The following CEP170 variants were observed in gnomAD, a reference collection of about 807,000 sequenced individuals.
The protein encoded by CEP170 is centrosomal protein of 170 kDa.
Under a neutral mutation model 151.9 loss-of-function variants are expected in CEP170, and 21 were observed. The ratio of observed to expected loss-of-function variants is 0.14; its 90% CI spans 0.10 to 0.20. CEP170 has a LOEUF of 0.20. CEP170 is among the 10% of genes least tolerant of loss of function. The probability of loss-of-function intolerance (pLI) is 1.00; values close to 1 mark genes in which losing one functional copy is unlikely to be tolerated. For synonymous variants in CEP170, 356 were observed against 648.8 expected (o/e 0.55, Z 6.86); for missense variants, 964 against 1,892.9 (o/e 0.51, Z 9.11).
intron 7 of CEP170, among the ~76,000 whole-genome samples, chr1:243,196,736 T>C (rs2060675612): frequency 1.3e-5 from 2 of 152,158 alleles, no homozygotes; most frequent in South Asian, 4.1e-4. Flanking sequence ...GGCACAGTGA[T>C]AGTATATTAT....
chr1:243,132,111 G>GT (rs770501706), intron 17 of CEP170, among the ~76,000 whole-genome samples: 2 of 152,164 alleles, frequency 1.3e-5, no homozygotes, highest in African/African-American at 4.8e-5. Context: ...TTCATACAAT[G>GT]TAAGTACGCA....
intron 1 of CEP170, among the ~76,000 whole-genome samples, chr1:243,232,860 C>G (rs1356574781): frequency 6.6e-6 from 1 of 152,156 alleles, no homozygotes; most frequent in African/African-American, 2.4e-5. Context: ...AGCTGAAATA[C>G]AGAGACACTT....
chr1:243,226,176 T>G (rs1293889358), intron 1 of CEP170, among the ~76,000 whole-genome samples: 3 of 38,020 alleles, frequency 7.9e-5, no homozygotes, highest in Non-Finnish European at 1.6e-4. Flanking sequence ...TAGATATATA[T>G]ATATCTAGAT....
At chr1:243,174,146 C>T (rs2059065247) in intron 10 of CEP170, among the ~76,000 whole-genome samples, 1 of 152,066 alleles carries the variant, frequency 6.6e-6, no homozygotes, top group East Asian at 1.9e-4. Context: ...CAAACAATGG[C>T]GTGCTTTTCT....
At chr1:243,222,644 A>C (rs1276045026) in intron 2 of CEP170, among the ~76,000 whole-genome samples, 1 of 152,242 alleles carries the variant, frequency 6.6e-6, no homozygotes, top group East Asian at 1.9e-4. Flanking sequence ...GAGAGTATCA[A>C]AAATGGGGAA....
At chr1:243,189,702 G>C (rs1356898405) in intron 8 of CEP170, among the ~76,000 whole-genome samples, 2 of 151,730 alleles carry the variant, frequency 1.3e-5, no homozygotes, top group Non-Finnish European at 2.9e-5. Flanking sequence ...TGTTTATTAA[G>C]AGTGGTTTTA....
chr1:243,225,040 A>T, intron 2 of CEP170, 136 bp downstream of exon 2: 1 of 461,078 alleles, frequency 2.2e-6, no homozygotes, highest in South Asian at 6.7e-5. Context: ...GCAAAAAATT[A>T]ATTAGAATGA....
At chr1:243,202,288 G>A (rs1362933508) in intron 4 of CEP170, among the ~76,000 whole-genome samples, 1 of 152,060 alleles carries the variant, frequency 6.6e-6, no homozygotes, top group South Asian at 2.1e-4. Flanking sequence ...AATGAACACT[G>A]GATAATCAGA....
chr1:243,221,826 T>C lies in CEP170; in HGVS notation c.106-13A>G. On this transcript the variant is annotated splice_polypyrimidine_tract_variant and intron_variant, in intron 2 of 19. Coordinates refer to ENST00000366542, the MANE Select transcript of CEP170 (RefSeq NM_014812.3). ...CCACACTACGAGACTGAAAGGAATG[T>C]TGTCAGTTAATAAATATAAGAAAAT... is the stretch of plus-strand genomic sequence containing the variant. 2 of 1,599,930 alleles carry C rather than the reference T, an allele frequency of 1.3e-6. No individual in the cohort carries two copies. The highest frequency in any genetic ancestry group is 2.2e-5 in the East Asian group (1 of 44,580).
At chr1:243,232,089 T>C (rs1442425756) in intron 1 of CEP170, among the ~76,000 whole-genome samples, 1 of 152,004 alleles carries the variant, frequency 6.6e-6, no homozygotes, top group South Asian at 2.1e-4. Flanking sequence ...CCTCACCTTC[T>C]TGAGTAACGG....
chr1:243,222,139 T>A (rs1396648475), intron 2 of CEP170, among the ~76,000 whole-genome samples: 1 of 152,246 alleles, frequency 6.6e-6, no homozygotes, highest in African/African-American at 2.4e-5. Context: ...ATGTGAATTA[T>A]AATTTTACCA....
chr1:243,189,453 G>A (rs1266582545), intron 8 of CEP170, among the ~76,000 whole-genome samples: 4 of 151,574 alleles, frequency 2.6e-5, no homozygotes, highest in African/African-American at 7.3e-5. Context: ...CTACTCGGGA[G>A]GCTGAGGCAG....
At chr1:243,182,095 T>C (rs1265991603) in intron 10 of CEP170, among the ~76,000 whole-genome samples, 2 of 152,062 alleles carry the variant, frequency 1.3e-5, no homozygotes, top group Non-Finnish European at 2.9e-5. Context: ...TAATGCTATC[T>C]TGTGAGTTCT....
intron 1 of CEP170, among the ~76,000 whole-genome samples, chr1:243,228,373 A>C (rs1386850839): frequency 6.6e-6 from 1 of 152,180 alleles, no homozygotes; most frequent in Non-Finnish European, 1.5e-5. Context: ...TCTCCCATTT[A>C]CTCAACTTCT....
intron 14 of CEP170, among the ~76,000 whole-genome samples, chr1:243,152,832 G>A (rs1477616393): frequency 2.6e-5 from 4 of 152,130 alleles, no homozygotes; most frequent in East Asian, 3.9e-4. Context: ...TGCCTGGCCC[G>A]TTTTGTCTTC....
intron 1 of CEP170, among the ~76,000 whole-genome samples, chr1:243,244,926 T>C (rs968773011): frequency 7.2e-5 from 11 of 152,188 alleles, no homozygotes; most frequent in Non-Finnish European, 1.2e-4. Context: ...AGTGAGATTA[T>C]TTCATAAGGA....
At chr1:243,199,237 G>A (rs1172453976) in intron 6 of CEP170, 43 bp from the exon 7 acceptor site, 3 of 1,590,370 alleles carry the variant, frequency 1.9e-6, no homozygotes, top group Non-Finnish European at 2.6e-6. Context: ...AGATGAAACA[G>A]AAAAGAATAC....
chr1:243,212,242 C>G (rs1046180893), intron 3 of CEP170, among the ~76,000 whole-genome samples: 7 of 152,196 alleles, frequency 4.6e-5, no homozygotes, highest in Non-Finnish European at 1.0e-4. Context: ...AGAAAAGCTC[C>G]TAATCTAAAG....
intron 4 of CEP170, among the ~76,000 whole-genome samples, chr1:243,203,416 G>A (rs754371489): frequency 1.1e-4 from 17 of 152,148 alleles, no homozygotes; most frequent in Non-Finnish European, 1.9e-4. Flanking sequence ...AAGTAGGACT[G>A]TGGAAACTCC....
Sources: allele counts gnomAD v4.1 joint callset (sites outside exome capture counted in the v4.1 genomes callset), GRCh38; gene constraint gnomAD v4.1.1; transcripts MANE v1.5; gene names NCBI Gene and HGNC (gene_info 2026-07-23, HGNC 2026-07-21).